Variants in IL20RB observed in about 807,000 individuals in gnomAD.
IL20RB encodes the protein interleukin-20 receptor subunit beta.
In IL20RB, 21 loss-of-function variants were observed where a neutral mutation model predicts 33.3. The ratio of observed to expected loss-of-function variants is 0.63; its 90% CI spans 0.45 to 0.91. The LOEUF (loss-of-function observed/expected upper bound fraction) is 0.91. Ranked by LOEUF, IL20RB falls within the 40% of genes least tolerant of loss-of-function variation. IL20RB has a pLI of 0.00. For missense variants in IL20RB, 345 were observed against 384.8 expected, an observed-to-expected ratio of 0.90 and a Z score of 0.86; for synonymous variants, 147 against 146.8, an observed-to-expected ratio of 1.00 and a Z score of -0.01.
chr3:137,007,205 C>T (rs1382263118), intron 6 of IL20RB, among the ~76,000 whole-genome samples: 1 of 151,966 alleles, frequency 6.6e-6, no homozygotes, highest in East Asian at 1.9e-4. Context: ...TCTGTCAGCC[C>T]CTACTGGGAG....
At chr3:136,975,816 C>T (rs1941603584) in intron 1 of IL20RB, among the ~76,000 whole-genome samples, 1 of 152,130 alleles carries the variant, frequency 6.6e-6, no homozygotes, top group African/African-American at 2.4e-5. Context: ...TCCGTGTTTC[C>T]CAGGGTTATG....
chr3:136,981,415 T>C (rs1941772191), intron 2 of IL20RB, among the ~76,000 whole-genome samples: 1 of 152,144 alleles, frequency 6.6e-6, no homozygotes, highest in Admixed American at 6.5e-5. Flanking sequence ...ACAGAAAGTT[T>C]ATTTTTGGAA....
At chr3:137,010,049 A>T in intron 6 of IL20RB, 64 bp from the exon 7 acceptor site, 1 of 783,828 alleles carries the variant, frequency 1.3e-6, no homozygotes, top group East Asian at 2.6e-5. Context: ...AAAATGTAAT[A>T]ATATTCTTTA....
chr3:137,002,860 AT>A (rs1430605237), intron 6 of IL20RB, among the ~76,000 whole-genome samples: 4 of 152,132 alleles, frequency 2.6e-5, no homozygotes, highest in Non-Finnish European at 5.9e-5. Context: ...TATGTCCTGA[AT>A]GGTATTGCCT....
At chr3:136,995,242 C>A (rs1415163391) in intron 5 of IL20RB, among the ~76,000 whole-genome samples, 172 bp from the exon 6 acceptor site, 2 of 152,336 alleles carry the variant, frequency 1.3e-5, no homozygotes, top group East Asian at 1.9e-4. Context: ...TAGAAAAATG[C>A]TTTTAATGGT....
chr3:137,009,681 A>G (rs1379940049), intron 6 of IL20RB, among the ~76,000 whole-genome samples: 3 of 152,100 alleles, frequency 2.0e-5, no homozygotes, highest in African/African-American at 7.2e-5. Flanking sequence ...CTGGGACCAC[A>G]GACATGTGCC....
At position 136,995,677 on chromosome 3, in the gene IL20RB, G is replaced by C. The variant is rs898674216; in HGVS notation, c.825+121G>C. On this transcript the variant is annotated intron_variant, in intron 6 of 6. Coordinates refer to ENST00000329582, the MANE Select transcript of IL20RB (RefSeq NM_144717.4). ...ATGAGATTATAGGCATCTGCACAGA[G>C]AGGGGAGAGGAATACTTATAAAATA... The C allele has an allele frequency of 1.4e-5, 12 of 856,532 alleles. No individual in the cohort carries two copies. In the East Asian group the frequency reaches 2.5e-4, roughly 18 times the overall value. The allele number at this position is 856,532 out of a possible 1,614,324, so 53.1% of individuals were successfully genotyped here.
chr3:136,963,153 A>G (rs975916547), intron 1 of IL20RB, among the ~76,000 whole-genome samples: 1 of 152,188 alleles, frequency 6.6e-6, no homozygotes, highest in African/African-American at 2.4e-5. Flanking sequence ...GAGGTTTTAG[A>G]GAATCTGTTT....
rs553850137 is a variant in IL20RB, at chr3:136,963,273, G to A, written c.88+5072G>A. Among the ~76,000 whole-genome samples the A allele has an allele frequency of 4.6e-5, 7 of 152,278 alleles. No individual in the cohort carries two copies. In the South Asian group the frequency reaches 1.5e-3, roughly 32 times the overall value. On this transcript the variant is annotated intron_variant, in intron 1 of 6. Coordinates refer to ENST00000329582, the MANE Select transcript of IL20RB (RefSeq NM_144717.4). ...GAATATTTGTGTGCAGGTCTTATGTGATGTAAAGTTTTCATTTCTCTGAGA... is the reference window on the plus strand; with the variant it reads ...GAATATTTGTGTGCAGGTCTTATGTAATGTAAAGTTTTCATTTCTCTGAGA...
intron 6 of IL20RB, among the ~76,000 whole-genome samples, chr3:137,005,592 G>C (rs914308350): frequency 6.6e-6 from 1 of 152,066 alleles, no homozygotes; most frequent in Non-Finnish European, 1.5e-5. Flanking sequence ...TGCAACCCCT[G>C]CTTTTTTTTC....
intron 1 of IL20RB, among the ~76,000 whole-genome samples, chr3:136,979,778 G>C (rs917681451): frequency 5.9e-5 from 9 of 152,208 alleles, no homozygotes; most frequent in African/African-American, 2.2e-4. Flanking sequence ...GCAGATCTGA[G>C]CCTGTACTTC....
Position 136,989,545 on chromosome 3 carries a change from A to G in IL20RB, c.511A>G (p.Arg171Gly). The G allele has an allele frequency of 6.2e-7, 1 of 1,613,866 alleles. No homozygotes were observed. Among genetic ancestry groups the G allele is most frequent in the Non-Finnish European group, 8.5e-7 (1 of 1,179,880 alleles). The change falls in exon 4 of 7, where the codon AGG becomes GGG. Residue 171 changes from arginine (R) to glycine (G), a missense_variant. Arg to Gly is a moderately radical substitution (Grantham distance 125). Coordinates refer to ENST00000329582, the MANE Select transcript of IL20RB (RefSeq NM_144717.4). ...PQFEFLVAYW[R>G]REPGAEEHVK... ...GTTTGAGTTCCTTGTGGCCTACTGG[A>G]GGAGGGAGCCTGGTGCCGAGGTGAG... is the stretch of plus-strand genomic sequence containing the variant.
In IL20RB at chr3:136,962,624, C is replaced by T. The variant is rs187792039; in HGVS notation, c.88+4423C>T. Among the ~76,000 whole-genome samples the T allele has an allele frequency of 1.8e-3, 278 of 151,768 alleles. 8 individuals are homozygous for T. In the East Asian group the frequency reaches 0.048, roughly 26 times the overall value. On this transcript the variant is annotated intron_variant, in intron 1 of 6. Transcript: ENST00000329582. The stretch of plus-strand genomic sequence containing the variant: ...AAAATTAGCCAAGTATGGTGGTGGG[C>T]GCCTGTAGTCCCAGCTACTTGGGAG...
chr3:136,986,863 T>G, intron 3 of IL20RB: 2 of 415,450 alleles, frequency 4.8e-6, no homozygotes, highest in South Asian at 3.5e-5. Flanking sequence ...GTTTCTTCCT[T>G]CTGGTGGGTT....
intron 6 of IL20RB, among the ~76,000 whole-genome samples, chr3:136,996,843 A>G (rs550213640): frequency 2.2e-4 from 33 of 152,300 alleles, no homozygotes; most frequent in African/African-American, 6.3e-4. Flanking sequence ...GCAATGGGAT[A>G]TATCATACCC....
At chr3:136,970,152 C>T (rs1941435526) in intron 1 of IL20RB, among the ~76,000 whole-genome samples, 1 of 151,480 alleles carries the variant, frequency 6.6e-6, no homozygotes, top group Non-Finnish European at 1.5e-5. Context: ...GAGTGCAATG[C>T]CTCAATCACA....
At chr3:136,963,856 A>T (rs1577007813) in intron 1 of IL20RB, among the ~76,000 whole-genome samples, 3 of 73,456 alleles carry the variant, frequency 4.1e-5, no homozygotes, top group South Asian at 6.3e-4. Flanking sequence ...CCCCGACCCC[A>T]CCACAGTCCC....
chr3:136,989,092 T>C (rs1264316519), intron 3 of IL20RB, among the ~76,000 whole-genome samples: 1 of 152,188 alleles, frequency 6.6e-6, no homozygotes, highest in African/African-American at 2.4e-5. Context: ...ATCATAAAAT[T>C]TTAAAAGAGC....
At chr3:136,995,270 G>A (rs925219521) in intron 5 of IL20RB, 144 bp from the exon 6 acceptor site, 1 of 924,042 alleles carries the variant, frequency 1.1e-6, no homozygotes, top group African/African-American at 1.7e-5. Flanking sequence ...TTGGTCACTA[G>A]GGCACACATC....
Sources: allele counts gnomAD v4.1 joint callset (sites outside exome capture counted in the v4.1 genomes callset), GRCh38; gene constraint gnomAD v4.1.1; transcripts MANE v1.5; gene names NCBI Gene and HGNC (gene_info 2026-07-23, HGNC 2026-07-21).